The following ITPR2 variants were observed in gnomAD, a reference collection of about 807,000 sequenced individuals.
ITPR2 encodes the protein inositol 1,4,5-trisphosphate-gated calcium channel ITPR2.
In ITPR2, 207 loss-of-function variants were observed where a neutral mutation model predicts 317.1. The observed-to-expected ratio is 0.65, with a 90% confidence interval of 0.58 to 0.73. The LOEUF is 0.73. Ranked by LOEUF, ITPR2 falls within the 30% of genes least tolerant of loss-of-function variation. ITPR2 has a pLI of 0.00. For missense variants in ITPR2, 2,613 were observed against 3,284.0 expected, an observed-to-expected ratio of 0.80 and a Z score of 4.99; for synonymous variants, 1,156 against 1,149.1, an observed-to-expected ratio of 1.01 and a Z score of -0.12.
intron 55 of ITPR2, among the ~76,000 whole-genome samples, chr12:26,354,517 G>C (rs1228692793): frequency 1.3e-5 from 2 of 152,156 alleles, no homozygotes; most frequent in African/African-American, 2.4e-5. Flanking sequence ...TGTGTTTGCA[G>C]CCGGCCAGCT....
rs1939074752 is a variant in ITPR2, at chr12:26,368,198, AC to A, written c.7857+19235del. ...CCAGACTTGTGGTTTTAATTACAAC[AC>A]CACAAAATATCAGCACTCAAAGAGT... On this transcript the variant is annotated intron_variant, in intron 55 of 56. Transcript: ENST00000381340. Among the ~76,000 whole-genome samples, 3 of 152,214 alleles carry A rather than the reference AC, an allele frequency of 2.0e-5. 1 individual carries two copies. In the South Asian group the frequency reaches 6.2e-4, roughly 32 times the overall value.
At chr12:26,498,854 A>G in intron 37 of ITPR2, among the ~76,000 whole-genome samples, 1 of 152,150 alleles carries the variant, frequency 6.6e-6, no homozygotes, top group Non-Finnish European at 1.5e-5. Context: ...ATTATTATTT[A>G]GAGATAGGGT....
At chr12:26,623,828 T>C (rs1441225998) in intron 24 of ITPR2, among the ~76,000 whole-genome samples, 1 of 152,212 alleles carries the variant, frequency 6.6e-6, no homozygotes, top group Non-Finnish European at 1.5e-5. Flanking sequence ...AGGAGGCTAG[T>C]CATGTCAAAG....
At chr12:26,471,390 A>C (rs535156982) in intron 45 of ITPR2, among the ~76,000 whole-genome samples, 1 of 152,362 alleles carries the variant, frequency 6.6e-6, no homozygotes, top group African/African-American at 2.4e-5. Flanking sequence ...CCAAGAGCAA[A>C]GCAGAGAGAT....
chr12:26,409,778 G>T (rs1940479942), intron 52 of ITPR2, among the ~76,000 whole-genome samples: 1 of 152,134 alleles, frequency 6.6e-6, no homozygotes, highest in Admixed American at 6.5e-5. Flanking sequence ...ACACCATGAG[G>T]CTCATGGCAC....
chr12:26,502,457 C>T (rs1482835278), intron 37 of ITPR2, among the ~76,000 whole-genome samples: 7 of 152,180 alleles, frequency 4.6e-5, no homozygotes, highest in African/African-American at 9.7e-5. Context: ...TAAAATCACA[C>T]TCAAAGACAG....
chr12:26,446,999 C>T (rs188825617), intron 45 of ITPR2, among the ~76,000 whole-genome samples: 43 of 152,018 alleles, frequency 2.8e-4, no homozygotes, highest in African/African-American at 1.0e-3. Context: ...GTGCCCTGCA[C>T]ATATCTATAT....
At chr12:26,487,596 A>C (rs986358596) in intron 39 of ITPR2, among the ~76,000 whole-genome samples, 3 of 152,198 alleles carry the variant, frequency 2.0e-5, no homozygotes, top group African/African-American at 7.2e-5. Context: ...GCATTGATTC[A>C]ACATGTATGT....
In ITPR2 at chr12:26,340,956, C is replaced by T. The variant is rs1396771005; in HGVS notation, c.7858-628G>A. On this transcript the variant is annotated intron_variant, in intron 55 of 56. Transcript: ENST00000381340. ...CACAGGGCAATAGCTGGTTCCACTT[C>T]TGTTTTTGTAGGCAGCCTGGGTGTA... is the stretch of plus-strand genomic sequence containing the variant. Among the ~76,000 whole-genome samples the T allele has an allele frequency of 2.6e-5, 4 of 152,228 alleles. No homozygotes were observed. The East Asian group carries it at 7.7e-4, about 29-fold the overall frequency.
At chr12:26,520,698 G>A (rs1943639643) in intron 37 of ITPR2, among the ~76,000 whole-genome samples, 1 of 151,980 alleles carries the variant, frequency 6.6e-6, no homozygotes, top group Non-Finnish European at 1.5e-5. Context: ...TTCATTCCTA[G>A]CTATCAATTC....
chr12:26,706,859 C>A (rs1948561594), intron 9 of ITPR2, among the ~76,000 whole-genome samples: 3 of 152,186 alleles, frequency 2.0e-5, no homozygotes, highest in African/African-American at 4.8e-5. Flanking sequence ...TTTCACAACA[C>A]CTTCCTTGGG....
In ITPR2 at chr12:26,711,239, AC is replaced by A; in HGVS notation, c.884del (p.Gly295ValfsTer20). 1 of 1,613,826 alleles carries A rather than the reference AC, an allele frequency of 6.2e-7. No homozygotes were observed. Among genetic ancestry groups the A allele is most frequent in the Non-Finnish European group, 8.5e-7 (1 of 1,179,826 alleles). The part of the protein sequence containing the change: ...EVVHHDPCRG[G>X]AGQWNSLFRF... ...TGAACAAGCTGTTCCACTGTCCTGC[AC>A]CCCCACGGCATGGGTCATGATGAAC... On this transcript the variant is annotated frameshift_variant, in exon 9 of 57. Coordinates refer to ENST00000381340, the MANE Select transcript of ITPR2 (RefSeq NM_002223.4). LOFTEE classifies it high-confidence loss of function.
At chr12:26,450,170 C>A (rs1371918804) in intron 45 of ITPR2, among the ~76,000 whole-genome samples, 1 of 152,052 alleles carries the variant, frequency 6.6e-6, no homozygotes, top group Non-Finnish European at 1.5e-5. Context: ...GAGCATGGCC[C>A]TGCCAACACC....
At position 26,439,036 on chromosome 12, in the gene ITPR2, A is replaced by G. The variant is rs1003460067; in HGVS notation, c.6643+91T>C. The G allele has an allele frequency of 3.7e-6, 3 of 806,450 alleles. No homozygotes were observed. The Admixed American group carries it at 7.8e-5, about 21-fold the overall frequency. 50.0% of individuals were successfully genotyped at this position (806,450 alleles called of 1,614,324 possible). ...TATCAGACCAGCAAGAAATTAAAAA[A>G]ACAATTTAAATGAGCTGCATCATGT... On this transcript the variant is annotated intron_variant, in intron 47 of 56. Coordinates refer to ENST00000381340, the MANE Select transcript of ITPR2 (RefSeq NM_002223.4).
intron 45 of ITPR2, among the ~76,000 whole-genome samples, chr12:26,448,457 A>T (rs1443552221): frequency 6.6e-6 from 1 of 152,160 alleles, no homozygotes; most frequent in East Asian, 1.9e-4. Flanking sequence ...TATGGTGTGC[A>T]AATGATGCCT....
chr12:26,702,878 C>G (rs1275530027), intron 9 of ITPR2, among the ~76,000 whole-genome samples: 1 of 150,600 alleles, frequency 6.6e-6, no homozygotes, highest in Non-Finnish European at 1.5e-5. Flanking sequence ...TATCCTAGTT[C>G]CTAGGTGTTT....
chr12:26,731,603 C>G (rs1311942306), intron 2 of ITPR2, among the ~76,000 whole-genome samples: 2 of 151,986 alleles, frequency 1.3e-5, no homozygotes, highest in Non-Finnish European at 2.9e-5. Flanking sequence ...TCAAGGCCAG[C>G]CTGGGCAACA....
intron 32 of ITPR2, among the ~76,000 whole-genome samples, chr12:26,583,820 A>C (rs949532993): frequency 6.6e-6 from 1 of 152,206 alleles, no homozygotes; most frequent in Non-Finnish European, 1.5e-5. Flanking sequence ...ACAGAATGAA[A>C]TGATTCCCAA....
At chr12:26,824,211 T>G (rs1950980289) in intron 1 of ITPR2, among the ~76,000 whole-genome samples, 1 of 152,210 alleles carries the variant, frequency 6.6e-6, no homozygotes, top group African/African-American at 2.4e-5. Context: ...CTCATGTAAT[T>G]TATTGAATAC....
Sources: gnomAD v4.1 joint callset for allele counts (sites outside exome capture counted in the v4.1 genomes callset) on GRCh38, gnomAD v4.1.1 for gene constraint, MANE v1.5 for transcripts, NCBI Gene and HGNC (gene_info 2026-07-23, HGNC 2026-07-21) for gene names.